STK32C: variants seen among roughly 807,000 people sequenced by gnomAD.
The protein encoded by STK32C is serine/threonine-protein kinase 32C.
A neutral mutation model predicts 56.5 loss-of-function variants in STK32C; 31 were observed. That is an observed-to-expected ratio of 0.55 (90% CI 0.41 to 0.74). The LOEUF (loss-of-function observed/expected upper bound fraction) is 0.74. Ranked by LOEUF, STK32C falls within the 30% of genes least tolerant of loss-of-function variation. STK32C has a pLI of 0.00. For missense variants in STK32C, 544 were observed against 676.9 expected, an observed-to-expected ratio of 0.80 and a Z score of 2.18; for synonymous variants, 309 against 289.4, an observed-to-expected ratio of 1.07 and a Z score of -0.69.
intron 1 of STK32C, among the ~76,000 whole-genome samples, chr10:132,283,030 A>G (rs2065264333): frequency 6.6e-6 from 1 of 152,208 alleles, no homozygotes; most frequent in Non-Finnish European, 1.5e-5. Context: ...CAAAAGGTCC[A>G]CCAAGGCGGA....
At chr10:132,282,478 C>CGCCCACCTGTGCCTGT in intron 1 of STK32C, among the ~76,000 whole-genome samples, 1 of 106,414 alleles carries the variant, frequency 9.4e-6, no homozygotes, top group South Asian at 2.8e-4. Flanking sequence ...CCTGTACCTG[C>CGCCCACCTGTGCCTGT]GCCCACCTGT....
chr10:132,210,465 CTT>C (rs2062255143), intron 10 of STK32C, among the ~76,000 whole-genome samples: 1 of 152,244 alleles, frequency 6.6e-6, no homozygotes, highest in African/African-American at 2.4e-5. Context: ...CCACGCCAGT[CTT>C]GAACTCCTGA....
At position 132,307,739 on chromosome 10, in the gene STK32C, G is replaced by C. The variant is rs1037227178; in HGVS notation, c.95C>G (p.Pro32Arg). 1.3e-5 allele frequency: 15 copies of C among 1,116,620 alleles called. No individual in the cohort carries two copies. The highest frequency in any genetic ancestry group is 1.5e-5 in the Non-Finnish European group (14 of 913,840). 69.2% of individuals were successfully genotyped at this position (1,116,620 alleles called of 1,614,324 possible). ...GRARPAGSDA[P>R]SALPPPAAGQ... ...AGCAGCGGGCGGCGGCAGGGCCGAG[G>C]GCGCGTCGGAGCCGGCGGGGCGCGC... Residue 32 changes from proline to arginine, a missense_variant, in exon 1 of 12, where the codon CCC becomes CGC. This residue lies in a region of STK32C where 182 missense variants were observed against 217.7 expected (regional missense o/e 0.84). Coordinates refer to ENST00000298630, the MANE Select transcript of STK32C (RefSeq NM_173575.4). This position sits in a 1 kb window ranked among gnomAD's most constrained non-coding sequence, Gnocchi z 4.4.
chr10:132,293,805 G>A (rs961915240), intron 1 of STK32C, among the ~76,000 whole-genome samples: 2 of 152,230 alleles, frequency 1.3e-5, no homozygotes, highest in Non-Finnish European at 2.9e-5. Context: ...TGGGGAATGG[G>A]GGTGGGGACA....
rs562860927 is a variant in STK32C at position 132,297,434 on chromosome 10, C to T, written c.262+10138G>A. Among the ~76,000 whole-genome samples the T allele has an allele frequency of 2.5e-3, 382 of 152,334 alleles. 4 individuals carry two copies. The highest frequency in any genetic ancestry group is 8.5e-3 in the African/African-American group (352 of 41,570). On this transcript the variant is annotated intron_variant, in intron 1 of 11. Transcript: ENST00000298630. ...CAATTCCCAGCCCCACCAGGGGCCA[C>T]GCCAGCCCCGGTACTAGCTGGGCCA...
At chr10:132,308,832 G>T (rs1033416491), upstream of STK32C, among the ~76,000 whole-genome samples, 29 of 152,206 alleles carry the variant, frequency 1.9e-4, no homozygotes, top group African/African-American at 7.0e-4. Context: ...AGGGCCAGGC[G>T]CGACCTTGCG....
intron 1 of STK32C, among the ~76,000 whole-genome samples, chr10:132,304,518 C>A (rs571662218): frequency 6.6e-6 from 1 of 152,162 alleles, no homozygotes; most frequent in Non-Finnish European, 1.5e-5. Flanking sequence ...AAGCACCTTA[C>A]GGCAAATTGG....
intron 1 of STK32C, among the ~76,000 whole-genome samples, chr10:132,273,903 T>C (rs534859659): frequency 6.6e-6 from 1 of 152,336 alleles, no homozygotes; most frequent in East Asian, 1.9e-4. Context: ...GAGCCCACTA[T>C]GCGTGTGCTG....
intron 1 of STK32C, among the ~76,000 whole-genome samples, chr10:132,305,059 C>T (rs1443290682): frequency 6.6e-6 from 1 of 152,174 alleles, no homozygotes; most frequent in African/African-American, 2.4e-5. Flanking sequence ...AAGGGGCTCG[C>T]CCAACGCCAT....
intron 1 of STK32C, among the ~76,000 whole-genome samples, chr10:132,291,954 A>G (rs1274747891): frequency 6.6e-6 from 1 of 152,140 alleles, no homozygotes; most frequent in Non-Finnish European, 1.5e-5. Context: ...GCGGGGAAGA[A>G]GAGCATTGCA....
chr10:132,243,459 G>T (rs180943198), intron 2 of STK32C, among the ~76,000 whole-genome samples: 5 of 152,230 alleles, frequency 3.3e-5, no homozygotes, highest in Admixed American at 3.3e-4. Context: ...GGGCAGGCTG[G>T]ACGAATGTCC....
chr10:132,331,936 A>ACC (rs66639442), upstream of STK32C: 2 of 365,634 alleles, frequency 5.5e-6, no homozygotes, highest in African/African-American at 6.9e-5. Flanking sequence ...CGCAAGCGCA[A>ACC]CCCCCCGCCC....
At chr10:132,222,537 C>T (rs541981876) in intron 10 of STK32C, 104 bp downstream of exon 10, 33 of 1,426,068 alleles carry the variant, frequency 2.3e-5, no homozygotes, top group African/African-American at 8.5e-5. Flanking sequence ...GCTGGACTTC[C>T]GAGACGTGTG....
chr10:132,226,329 C>T (rs544940974), intron 4 of STK32C, among the ~76,000 whole-genome samples: 1 of 152,352 alleles, frequency 6.6e-6, no homozygotes, highest in African/African-American at 2.4e-5. Flanking sequence ...ATTTCACTTC[C>T]TTCATAATCT....
chr10:132,220,189 C>T (rs2062590780), intron 10 of STK32C, among the ~76,000 whole-genome samples: 1 of 152,218 alleles, frequency 6.6e-6, no homozygotes, highest in Non-Finnish European at 1.5e-5. Flanking sequence ...AATCCAATGC[C>T]TGGTGTCCTT....
At position 132,209,026 on chromosome 10, in the gene STK32C, ACACT is replaced by A; in HGVS notation, c.1319+4_1319+7del. The A allele has an allele frequency of 6.2e-7, 1 of 1,611,220 alleles. No individual in the cohort carries two copies. The highest frequency in any genetic ancestry group is 8.5e-7 in the Non-Finnish European group (1 of 1,177,940). Reference sequence around the variant, plus strand: ...GCCACCACGCCCACCCACCCCCAACACACTCACTTTTCTCTGTTAAAAATCACGA... The same window carrying A: ...GCCACCACGCCCACCCACCCCCAACACACTTTTCTCTGTTAAAAATCACGA... On this transcript the variant is annotated splice_donor_5th_base_variant and intron_variant, in intron 11 of 11. Transcript: ENST00000298630.
At chr10:132,235,493 T>TCACAAAA (rs1565091831) in intron 2 of STK32C, among the ~76,000 whole-genome samples, 1 of 72,410 alleles carries the variant, frequency 1.4e-5, no homozygotes, top group Non-Finnish European at 2.6e-5. Context: ...AGACTCAGCC[T>TCACAAAA]TAAAAAAAAA....
intron 1 of STK32C, among the ~76,000 whole-genome samples, chr10:132,254,826 A>G (rs1306777152): frequency 6.6e-6 from 1 of 152,188 alleles, no homozygotes; most frequent in Non-Finnish European, 1.5e-5. Flanking sequence ...GAGCTGGAGA[A>G]TCAGCTCTGC....
At chr10:132,324,133 T>G in exon 2 of STK32C, 1 of 678,640 alleles carries the variant, frequency 1.5e-6, no homozygotes, top group Non-Finnish European at 2.7e-6. Context: ...TCACAGCAGC[T>G]GGGAAAATGG....
Sources: gnomAD v4.1 joint callset for allele counts (sites outside exome capture counted in the v4.1 genomes callset) on GRCh38, gnomAD v4.1.1 for gene constraint, gnomAD v4.1.1 regional missense constraint, Gnocchi (gnomAD v3.1) non-coding constraint, MANE v1.5 for transcripts, NCBI Gene and HGNC (gene_info 2026-07-23, HGNC 2026-07-21) for gene names.